CD36: variants seen among roughly 807,000 people sequenced by gnomAD.
CD36 encodes CD36 molecule (CD36 blood group), also known as platelet glycoprotein 4.
In CD36, 119 loss-of-function variants were observed where a neutral mutation model predicts 55.2. The observed-to-expected ratio is 2.15, with a 90% CI of 1.86 to 2.51. CD36 has a LOEUF of 2.51. Ranked by LOEUF, CD36 falls within the 30% of genes most tolerant of loss-of-function variation. CD36 has a pLI of 0.00. For missense variants in CD36, 819 were observed against 555.5 expected (o/e 1.47, Z -4.77); for synonymous variants, 186 against 193.6 (o/e 0.96, Z 0.33).
In CD36 at chr7:80,673,389, C is replaced by T. The variant is rs368939353; in HGVS notation, c.1234C>T (p.Pro412Ser). ...GAATCTGAAGAGGAACTATATTGTG[C>T]CTATTCTTTGGCTTAATGAGGTTTG... The part of the protein sequence containing the change: ...LKNLKRNYIV[P>S]ILWLNETGTI... The change falls in exon 13 of 15, where the codon CCT becomes TCT. Residue 412 changes from proline (P) to serine (S), a missense_variant. Physicochemically the swap from Pro to Ser is moderately conservative, Grantham distance 74. Coordinates refer to ENST00000447544, the MANE Select transcript of CD36 (RefSeq NM_001001548.3). 72 of 1,569,630 alleles carry T rather than the reference C, an allele frequency of 4.6e-5. No homozygotes were observed. The Middle Eastern group carries it at 1.0e-3, about 22-fold the overall frequency.
At position 80,640,176 on chromosome 7, in the gene CD36, T is replaced by C. The variant is rs375684136; in HGVS notation, c.-184+1430T>C. ...TTTGTTCACTGGCCCAAGATGTGTC[T>C]GAAACTTGCAAGTAGCATTGTTCTA... is the stretch of plus-strand genomic sequence containing the variant. On this transcript the variant is annotated intron_variant, in intron 1 of 14. Transcript: ENST00000447544. Among the ~76,000 whole-genome samples, 3 of 152,040 alleles carry C rather than the reference T, an allele frequency of 2.0e-5. No individual in the cohort carries two copies. The East Asian group carries it at 5.8e-4, about 29-fold the overall frequency.
intron 1 of CD36, among the ~76,000 whole-genome samples, chr7:80,645,841 C>G (rs903842536): frequency 1.3e-5 from 2 of 152,072 alleles, no homozygotes; most frequent in African/African-American, 4.8e-5. Context: ...TTTATATTTG[C>G]TTCAAATTCT....
intron 1 of CD36, among the ~76,000 whole-genome samples, chr7:80,604,404 A>G (rs1205467): frequency 0.11 from 10,413 of 91,182 alleles, 982 homozygotes; most frequent in African/African-American, 0.27. Context: ...AAAGTATGCC[A>G]TTGGTTCCAC....
At chr7:80,633,254 G>A (rs1344649459) in intron 1 of CD36, 1 of 151,872 alleles carries the variant, frequency 6.6e-6, no homozygotes, top group Non-Finnish European at 1.5e-5. Flanking sequence ...TTTTTAGATG[G>A]CCTGTAAAAT....
intron 7 of CD36, chr7:80,666,200 G>GTTTCTAATTAACACCTGGCAGTTT (rs1344761545): frequency 1.1e-5 from 5 of 466,996 alleles, no homozygotes; most frequent in Non-Finnish European, 1.9e-5. Context: ...ATTCCAAGAT[G>GTTTCTAATTAACACCTGGCAGTTT]TTTCTAATTA....
At chr7:80,649,232 C>A (rs149334176) in intron 3 of CD36, among the ~76,000 whole-genome samples, 1 of 152,004 alleles carries the variant, frequency 6.6e-6, no homozygotes, top group Non-Finnish European at 1.5e-5. Flanking sequence ...GCCAACTCAC[C>A]TAGCCAATAG....
intron 1 of CD36, among the ~76,000 whole-genome samples, chr7:80,639,432 T>C (rs1372431365): frequency 2.0e-5 from 3 of 151,994 alleles, no homozygotes; most frequent in Admixed American, 2.0e-4. Context: ...TTTTTTTCGA[T>C]TCAGGAAGCT....
chr7:80,650,890 T>A (rs568246237), intron 3 of CD36, among the ~76,000 whole-genome samples: 2 of 140,816 alleles, frequency 1.4e-5, no homozygotes, highest in East Asian at 4.1e-4. Flanking sequence ...TGATTCTTAA[T>A]AGAGTTGTGT....
At chr7:80,623,393 T>G (rs907711620) in intron 1 of CD36, among the ~76,000 whole-genome samples, 1 of 152,232 alleles carries the variant, frequency 6.6e-6, no homozygotes, top group Non-Finnish European at 1.5e-5. Context: ...GTGATAAATA[T>G]TAATTCAGTA....
intron 9 of CD36, 96 bp from the exon 10 acceptor site, chr7:80,670,881 A>G (rs1797590461): frequency 2.3e-6 from 2 of 870,334 alleles, no homozygotes; most frequent in Non-Finnish European, 3.8e-6. Flanking sequence ...AAAAGAGTAT[A>G]TGATGTTTCT....
chr7:80,629,726 G>A (rs1793963300), intron 1 of CD36, among the ~76,000 whole-genome samples: 2 of 151,958 alleles, frequency 1.3e-5, no homozygotes, highest in South Asian at 4.1e-4. Flanking sequence ...AACTGAGATG[G>A]CTCAATTTTG....
chr7:80,671,017 G>A lies in CD36; in HGVS notation c.859G>A (p.Gly287Arg). 1.2e-6 allele frequency: 2 copies of A among 1,613,490 alleles called. No homozygotes were observed. The highest frequency in any genetic ancestry group is 1.3e-5 in the African/African-American group (1 of 75,036). Residue 287 changes from glycine (G) to arginine (R), a missense_variant, in exon 10 of 15, where the codon GGA becomes AGA. Coordinates refer to ENST00000447544, the MANE Select transcript of CD36 (RefSeq NM_001001548.3). ...AVFESDVNLK[G>R]IPVYRFVLPS... ...ATTTGAATCCGACGTTAATCTGAAAGGAATCCCTGTGTATAGATTTGTTCT... is the reference window on the plus strand; with the variant it reads ...ATTTGAATCCGACGTTAATCTGAAAAGAATCCCTGTGTATAGATTTGTTCT...
chr7:80,640,116 T>C (rs1305716837), intron 1 of CD36, among the ~76,000 whole-genome samples: 1 of 152,052 alleles, frequency 6.6e-6, no homozygotes, highest in Non-Finnish European at 1.5e-5. Flanking sequence ...GATACTTAAT[T>C]CTGTAAGTAT....
chr7:80,648,521 T>C (rs1218106856), intron 3 of CD36, among the ~76,000 whole-genome samples: 1 of 149,812 alleles, frequency 6.7e-6, no homozygotes, highest in Non-Finnish European at 1.5e-5. Context: ...ATTTTAATTC[T>C]TTAATATTTA....
intron 7 of CD36, 53 bp downstream of exon 7, chr7:80,664,550 G>T: frequency 1.0e-6 from 1 of 955,288 alleles, no homozygotes; most frequent in South Asian, 1.3e-5. Flanking sequence ...TCTTAAGCAG[G>T]AATAGTATTC....
At chr7:80,647,512 G>A (rs560216582) in intron 3 of CD36, among the ~76,000 whole-genome samples, 2 of 152,216 alleles carry the variant, frequency 1.3e-5, no homozygotes, top group Admixed American at 6.5e-5. Flanking sequence ...CAGAATGATT[G>A]AATAGATGGG....
chr7:80,608,286 A>C (rs1266373208), intron 1 of CD36, among the ~76,000 whole-genome samples: 1 of 152,210 alleles, frequency 6.6e-6, no homozygotes, highest in Admixed American at 6.5e-5. Flanking sequence ...ATAATTATGC[A>C]AAGTGCCTAG....
chr7:80,634,620 C>T (rs1395629816), upstream of CD36, among the ~76,000 whole-genome samples: 1 of 152,052 alleles, frequency 6.6e-6, no homozygotes, highest in Admixed American at 6.6e-5. Context: ...CATGTGATTC[C>T]TCTTCCAGAA....
chr7:80,605,728 A>G (rs1230639275), intron 1 of CD36, among the ~76,000 whole-genome samples: 1 of 152,150 alleles, frequency 6.6e-6, no homozygotes, highest in African/African-American at 2.4e-5. Flanking sequence ...GAACTATTTC[A>G]TCTGAAATGG....
Sources: gnomAD v4.1 joint callset for allele counts (sites outside exome capture counted in the v4.1 genomes callset) on GRCh38, gnomAD v4.1.1 for gene constraint, MANE v1.5 for transcripts, NCBI Gene and HGNC (gene_info 2026-07-23, HGNC 2026-07-21) for gene names.